Variants in TEX36 observed in about 807,000 individuals in gnomAD.
TEX36 encodes testis-expressed protein 36.
TEX36 carries 12 observed loss-of-function variants against 13.6 expected under a neutral mutation model. The ratio of observed to expected loss-of-function variants is 0.88; its 90% confidence interval spans 0.56 to 1.43. The LOEUF (loss-of-function observed/expected upper bound fraction) is 1.43. Among genes scored for constraint, TEX36 ranks in the 40% most tolerant of loss-of-function variants. The pLI, the probability that TEX36 is intolerant of heterozygous loss-of-function variation, is 0.00. For synonymous variants in TEX36, 93 were observed against 83.0 expected (o/e 1.12, Z -0.65); for missense variants, 224 against 228.3 (o/e 0.98, Z 0.12).
intron 3 of TEX36, among the ~76,000 whole-genome samples, chr10:125,608,467 A>ACATGGACAC (rs58535022): frequency 0.037 from 5,696 of 152,294 alleles, 370 homozygotes; most frequent in African/African-American, 0.13. Context: ...TGGGAATCTG[A>ACATGGACAC]CATGGAAAAA....
downstream of TEX36, among the ~76,000 whole-genome samples, chr10:125,653,074 T>C (rs1421877632): frequency 1.3e-5 from 2 of 152,296 alleles, no homozygotes; most frequent in African/African-American, 4.8e-5. Flanking sequence ...TGGAAAACAG[T>C]GTGGCAATTC....
rs1845889424 is a variant in TEX36, at chr10:125,582,013, GT to G, written c.265-5140del. ...CCACAGTGACGCATGGTCTTAGGGG[GT>G]AAGCAGGGGCTCTCACCAGACCTCA... On this transcript the variant is annotated intron_variant, in intron 3 of 3. Transcript: ENST00000532135. Among the ~76,000 whole-genome samples the G allele has an allele frequency of 2.0e-5, 3 of 152,230 alleles. No homozygotes were observed. In the South Asian group the frequency reaches 6.2e-4, roughly 32 times the overall value.
At chr10:125,595,760 C>A (rs1224542709) in intron 3 of TEX36, among the ~76,000 whole-genome samples, 1 of 152,200 alleles carries the variant, frequency 6.6e-6, no homozygotes, top group Admixed American at 6.5e-5. Flanking sequence ...CCTGCCCTTA[C>A]CACTTTGTCT....
At chr10:125,611,778 C>T (rs1846293166) in intron 3 of TEX36, among the ~76,000 whole-genome samples, 1 of 151,814 alleles carries the variant, frequency 6.6e-6, no homozygotes, top group Admixed American at 6.6e-5. Flanking sequence ...AAAATATAAG[C>T]CCTACCTCCA....
At chr10:125,667,852 T>C (rs1372244515) in intron 1 of TEX36, 2 of 1,509,602 alleles carry the variant, frequency 1.3e-6, no homozygotes, top group Non-Finnish European at 1.8e-6. Flanking sequence ...TGGACTCATC[T>C]GCAGCCAGGA....
At chr10:125,618,078 T>A (rs1007111250), downstream of TEX36, among the ~76,000 whole-genome samples, 6 of 152,212 alleles carry the variant, frequency 3.9e-5, no homozygotes, top group Non-Finnish European at 8.8e-5. Flanking sequence ...GTTGATCGCA[T>A]CGGCTCCTGA....
chr10:125,580,208 GA>G (rs949950376), intron 3 of TEX36, among the ~76,000 whole-genome samples: 9 of 152,152 alleles, frequency 5.9e-5, no homozygotes, highest in African/African-American at 1.4e-4. Flanking sequence ...TTTAAACCAT[GA>G]AAGGATCCCT....
At chr10:125,603,962 G>GTA (rs1469496404) in intron 3 of TEX36, among the ~76,000 whole-genome samples, 1 of 152,162 alleles carries the variant, frequency 6.6e-6, no homozygotes, top group African/African-American at 2.4e-5. Flanking sequence ...GGGCCCTAGG[G>GTA]TATAAGGGGC....
intron 3 of TEX36, among the ~76,000 whole-genome samples, chr10:125,632,960 T>A (rs1462256456): frequency 2.0e-5 from 3 of 152,102 alleles, no homozygotes; most frequent in Non-Finnish European, 4.4e-5. Context: ...CCGTCTCTAC[T>A]GAAAATACAA....
At chr10:125,680,770 G>A (rs1847381196) in intron 1 of TEX36, among the ~76,000 whole-genome samples, 1 of 152,222 alleles carries the variant, frequency 6.6e-6, no homozygotes, top group Non-Finnish European at 1.5e-5. Flanking sequence ...GGTGCTGACA[G>A]CAGAAAGGAT....
At chr10:125,675,536 G>A (rs1045238502) in intron 1 of TEX36, among the ~76,000 whole-genome samples, 12 of 152,208 alleles carry the variant, frequency 7.9e-5, no homozygotes, top group Non-Finnish European at 1.0e-4. Context: ...GTGGGCTCAT[G>A]AGGGGGATCT....
chr10:125,606,855 CATTTGAGCCGTCTCAGATGTGCT>C (rs1565172862), intron 3 of TEX36, among the ~76,000 whole-genome samples: 1 of 152,154 alleles, frequency 6.6e-6, no homozygotes, highest in Non-Finnish European at 1.5e-5. Context: ...AATAATTACA[CATTTGAGCCGTCTCAGATGTGCT>C]ATACGTATTC....
intron 3 of TEX36, among the ~76,000 whole-genome samples, chr10:125,624,046 C>A (rs149823322): frequency 6.6e-6 from 1 of 152,322 alleles, no homozygotes; most frequent in African/African-American, 2.4e-5. Context: ...TTCTCTATGT[C>A]TCTGCTTTCA....
chr10:125,676,411 A>C (rs1847313151), intron 1 of TEX36, among the ~76,000 whole-genome samples: 1 of 152,132 alleles, frequency 6.6e-6, no homozygotes, highest in Non-Finnish European at 1.5e-5. Context: ...AGACTGTTTT[A>C]TCTAAGTACA....
chr10:125,653,331 T>A (rs1846891903), downstream of TEX36, among the ~76,000 whole-genome samples: 1 of 152,022 alleles, frequency 6.6e-6, no homozygotes, highest in South Asian at 2.1e-4. Flanking sequence ...GTTCATGTCC[T>A]TTGTAGGGAC....
intron 1 of TEX36, among the ~76,000 whole-genome samples, chr10:125,670,539 G>T (rs13018584): frequency 3.3e-5 from 5 of 152,108 alleles, no homozygotes; most frequent in African/African-American, 4.8e-5. Flanking sequence ...TCTGTAGGTT[G>T]CCTGTTCATT....
rs1033677327 is a variant in TEX36 at position 125,661,921 on chromosome 10, T to G, written c.108A>C (p.Ser36=). The change falls in exon 2 of 4, where the codon TCA becomes TCC. Residue 36 remains serine (S), a synonymous_variant. Transcript: ENST00000368821. ...KTPESITSAT[S]KEPQSPHLPR... ...GCAAGTGTGGACTCTGGGGCTCTTT[T>G]GACGTAGCACTGGTGATGGATTCTG... 14 of 1,552,244 alleles carry G rather than the reference T, an allele frequency of 9.0e-6. No individual in the cohort carries two copies. The African/African-American group carries it at 1.2e-4, about 14-fold the overall frequency.
At chr10:125,659,094 C>G (rs1277424851) in intron 3 of TEX36, among the ~76,000 whole-genome samples, 1 of 151,952 alleles carries the variant, frequency 6.6e-6, no homozygotes, top group Non-Finnish European at 1.5e-5. Flanking sequence ...GATTAATAAT[C>G]AAGAAAGAAA....
At chr10:125,667,190 C>G (rs1847137643) in intron 1 of TEX36, 1 of 651,976 alleles carries the variant, frequency 1.5e-6, no homozygotes, top group Admixed American at 1.9e-5. Flanking sequence ...AGCGTTGTGA[C>G]AGTCACCATG....
Sources: gnomAD v4.1 joint callset for allele counts (sites outside exome capture counted in the v4.1 genomes callset) on GRCh38, gnomAD v4.1.1 for gene constraint, MANE v1.5 for transcripts, NCBI Gene and HGNC (gene_info 2026-07-23, HGNC 2026-07-21) for gene names.